The following CNTN1 variants were observed in gnomAD, a reference collection of about 807,000 sequenced individuals.
CNTN1 encodes contactin-1.
CNTN1 carries 38 observed loss-of-function variants against 126.4 expected under a neutral mutation model. The ratio of observed to expected loss-of-function variants is 0.30; its 90% CI spans 0.23 to 0.39. CNTN1 has a LOEUF of 0.39. Ranked by LOEUF, CNTN1 falls within the 10% of genes least tolerant of loss-of-function variation. The pLI is 1.00. For synonymous variants in CNTN1, 413 were observed against 422.6 expected (o/e 0.98, Z 0.28); for missense variants, 1,009 against 1,248.4 (o/e 0.81, Z 2.89).
chr12:40,949,405 C>G (rs1398468644), intron 14 of CNTN1, among the ~76,000 whole-genome samples: 20 of 147,714 alleles, frequency 1.4e-4, no homozygotes, highest in Non-Finnish European at 1.5e-5. Context: ...GTATATCTCC[C>G]GATGCTATCC....
In CNTN1 at chr12:40,993,147, A is replaced by T. The variant is rs369249234; in HGVS notation, c.1991A>T (p.Glu664Val). 1 of 1,613,398 alleles carries T rather than the reference A, an allele frequency of 6.2e-7. No homozygotes were observed. The highest frequency in any genetic ancestry group is 1.3e-5 in the African/African-American group (1 of 74,926). Residue 664 changes from glutamate (E) to valine (V), a missense_variant, in exon 17 of 24, where the codon GAG (glutamate) becomes GTG (valine). Glu to Val is a moderately radical substitution (Grantham distance 121). Transcript: ENST00000551295. ...TDPPIIEGNM[E>V]AARAVDLIPW... is the part of the protein sequence containing the mutation. ...CCCCCAATTATTGAAGGAAATATGGAGGCAGCAAGAGCAGTGGACTTAATC... is the reference window on the plus strand; with the variant it reads ...CCCCCAATTATTGAAGGAAATATGGTGGCAGCAAGAGCAGTGGACTTAATC...
chr12:40,792,345 C>A (rs1480201708), intron 1 of CNTN1, among the ~76,000 whole-genome samples: 2 of 152,172 alleles, frequency 1.3e-5, no homozygotes, highest in African/African-American at 4.8e-5. Flanking sequence ...CTTATTGTGA[C>A]TATTAAGTAA....
intron 14 of CNTN1, among the ~76,000 whole-genome samples, chr12:40,954,737 A>G (rs572949947): frequency 8.5e-5 from 13 of 152,182 alleles, no homozygotes; most frequent in African/African-American, 2.9e-4. Flanking sequence ...GGAGAAGGAT[A>G]CAAATTAAAA....
intron 17 of CNTN1, among the ~76,000 whole-genome samples, chr12:41,013,252 G>A (rs1355191291): frequency 6.6e-6 from 1 of 152,106 alleles, no homozygotes; most frequent in Admixed American, 6.5e-5. Context: ...CTGTACATGT[G>A]GCTGAGAAAG....
At chr12:40,759,717 C>T (rs748984147) in intron 1 of CNTN1, among the ~76,000 whole-genome samples, 3 of 151,624 alleles carry the variant, frequency 2.0e-5, no homozygotes, top group Non-Finnish European at 2.9e-5. Flanking sequence ...AATCTGCCCA[C>T]CTCGGCCTCC....
At chr12:40,855,044 G>T (rs1233765139) in intron 1 of CNTN1, among the ~76,000 whole-genome samples, 1 of 152,096 alleles carries the variant, frequency 6.6e-6, no homozygotes, top group East Asian at 1.9e-4. Flanking sequence ...ATTTTTGTCT[G>T]CAAGAAAGCT....
intron 17 of CNTN1, among the ~76,000 whole-genome samples, chr12:41,009,487 G>A (rs1254821314): frequency 6.6e-6 from 1 of 152,110 alleles, no homozygotes; most frequent in African/African-American, 2.4e-5. Context: ...CTGTTGAGCT[G>A]GTCCACAGAC....
chr12:40,831,540 T>C (rs1941840033), intron 1 of CNTN1, among the ~76,000 whole-genome samples: 1 of 152,164 alleles, frequency 6.6e-6, no homozygotes, highest in South Asian at 2.1e-4. Context: ...TGGTTCCCCC[T>C]CAAAATGTTT....
chr12:41,069,379 C>G (rs937228661), intron 23 of CNTN1, among the ~76,000 whole-genome samples: 3 of 151,976 alleles, frequency 2.0e-5, no homozygotes, highest in Non-Finnish European at 4.4e-5. Flanking sequence ...CCTAGCATAC[C>G]TATGTTGTCA....
At position 40,943,543 on chromosome 12, in the gene CNTN1, T is replaced by G. The variant is rs1946331727; in HGVS notation, c.1380-54T>G. On this transcript the variant is annotated intron_variant, in intron 12 of 23. Coordinates refer to ENST00000551295, the MANE Select transcript of CNTN1 (RefSeq NM_001843.4). Reference sequence around the variant, plus strand: ...TTAGTGTTTGTAATCTAAGACATAATAATGTATTTTACTAAATCAGGTTTG... The same window carrying G: ...TTAGTGTTTGTAATCTAAGACATAAGAATGTATTTTACTAAATCAGGTTTG... The G allele has an allele frequency of 1.8e-5, 23 of 1,303,686 alleles. 2 individuals carry two copies. In the South Asian group the frequency reaches 2.8e-4, roughly 16 times the overall value. The allele number at this position is 1,303,686 out of a possible 1,614,324, so 80.8% of individuals were successfully genotyped here. A position where few individuals can be genotyped will look rare whatever the true frequency, so the allele number is the denominator to read the frequency against.
chr12:40,748,286 T>A (rs1261321075), intron 1 of CNTN1, among the ~76,000 whole-genome samples: 3 of 152,074 alleles, frequency 2.0e-5, no homozygotes, highest in African/African-American at 7.2e-5. Context: ...TAACTCCATT[T>A]TATTTACATA....
Position 40,936,711 on chromosome 12 carries a change from T to A in CNTN1, c.986-70T>A, listed in dbSNP as rs565624701. 6 of 1,578,376 alleles carry A rather than the reference T, an allele frequency of 3.8e-6. No individual in the cohort carries two copies. The South Asian group carries it at 6.7e-5, about 18-fold the overall frequency. On this transcript the variant is annotated intron_variant, in intron 9 of 23. Transcript: ENST00000551295. ...AGAATTAGGTTAACTAAATGTAATA[T>A]TTATACTCTGGAGATTATGATGGAT...
At chr12:40,997,859 G>A (rs1176884106) in intron 17 of CNTN1, among the ~76,000 whole-genome samples, 6 of 152,056 alleles carry the variant, frequency 3.9e-5, no homozygotes, top group Admixed American at 1.3e-4. Context: ...TTAACATATC[G>A]AATTAAAACT....
At chr12:40,809,814 T>TCACACACACACACA (rs3223354) in intron 1 of CNTN1, among the ~76,000 whole-genome samples, 312 of 146,848 alleles carry the variant, frequency 2.1e-3, no homozygotes, top group East Asian at 3.6e-3. Flanking sequence ...AGACTCTGTC[T>TCACACACACACACA]CACACACACA....
intron 1 of CNTN1, among the ~76,000 whole-genome samples, chr12:40,716,408 T>TCTCCTC (rs1307947187): frequency 6.6e-5 from 10 of 151,396 alleles, no homozygotes; most frequent in African/African-American, 2.4e-4. Context: ...TCCTTCTCCT[T>TCTCCTC]CTCCTCCTTT....
chr12:40,809,571 G>A (rs559553638), intron 1 of CNTN1, among the ~76,000 whole-genome samples: 2 of 152,122 alleles, frequency 1.3e-5, no homozygotes, highest in Non-Finnish European at 2.9e-5. Context: ...ACGCCTGTAA[G>A]CCCAGCACTT....
At chr12:41,009,865 T>A (rs1566135972) in intron 17 of CNTN1, among the ~76,000 whole-genome samples, 2 of 152,154 alleles carry the variant, frequency 1.3e-5, no homozygotes, top group African/African-American at 2.4e-5. Context: ...GATATTAGCT[T>A]CTACCAGGGG....
intron 1 of CNTN1, among the ~76,000 whole-genome samples, chr12:40,760,140 T>C (rs1051443422): frequency 6.6e-6 from 1 of 152,270 alleles, no homozygotes; most frequent in African/African-American, 2.4e-5. Flanking sequence ...CCAAGCTGGG[T>C]TTGTTTTGGT....
intron 14 of CNTN1, among the ~76,000 whole-genome samples, chr12:40,951,355 T>C (rs1013904023): frequency 1.3e-5 from 2 of 152,104 alleles, no homozygotes; most frequent in African/African-American, 4.8e-5. Context: ...ATCTTAGAAA[T>C]TATCCTGGAC....
Sources: gnomAD v4.1 joint callset for allele counts (sites outside exome capture counted in the v4.1 genomes callset) on GRCh38, gnomAD v4.1.1 for gene constraint, MANE v1.5 for transcripts, NCBI Gene and HGNC (gene_info 2026-07-23, HGNC 2026-07-21) for gene names.